Variants in CCNA1 observed in about 807,000 individuals in gnomAD.
CCNA1 encodes cyclin A1, also known as cyclin-A1.
A neutral mutation model predicts 54.1 loss-of-function variants in CCNA1; 23 were observed. The ratio of observed to expected loss-of-function variants is 0.42; its 90% confidence interval spans 0.31 to 0.60. The LOEUF is 0.60. CCNA1 is among the 20% of genes least tolerant of loss of function. The pLI, the probability that CCNA1 is intolerant of heterozygous loss-of-function variation, is 0.14. For synonymous variants in CCNA1, 208 were observed against 213.9 expected, an observed-to-expected ratio of 0.97 and a Z score of 0.24; for missense variants, 450 against 556.7, an observed-to-expected ratio of 0.81 and a Z score of 1.93.
At chr13:36,432,364 T>G, upstream of CCNA1, 3 of 252,456 alleles carry the variant, frequency 1.2e-5, no homozygotes, top group Non-Finnish European at 2.3e-5. Flanking sequence ...CGCCCCGCCC[T>G]TCCGTGCCCT....
At chr13:36,441,061 T>C in intron 6 of CCNA1, 57 bp from the exon 7 acceptor site, 3 of 864,406 alleles carry the variant, frequency 3.5e-6, no homozygotes, top group Non-Finnish European at 5.6e-6. Context: ...TTTCCAGGCT[T>C]ACTTGTGACC....
At chr13:36,437,992 C>T in intron 3 of CCNA1, 75 bp from the exon 4 acceptor site, 1 of 1,576,512 alleles carries the variant, frequency 6.3e-7, no homozygotes, top group East Asian at 2.2e-5. Flanking sequence ...GTATTCACAA[C>T]TGCCTGTAGA....
intron 2 of CCNA1, 102 bp downstream of exon 2, chr13:36,433,323 A>G: frequency 2.8e-6 from 2 of 710,794 alleles, no homozygotes; most frequent in Non-Finnish European, 4.5e-6. Context: ...ACTCCCCCTG[A>G]GTATTACAAC....
chr13:36,440,271 CT>C lies in CCNA1; in HGVS notation c.1098+92del, dbSNP rs1280635985. 8.3e-6 allele frequency: 10 copies of C among 1,204,686 alleles called. No homozygotes were observed. The African/African-American group carries it at 1.4e-4, about 16-fold the overall frequency. The allele number at this position is 1,204,686 out of a possible 1,614,324, so 74.6% of individuals were successfully genotyped here. A position where few individuals can be genotyped will look rare whatever the true frequency, so the allele number is the denominator to read the frequency against. ...CCAATCATCCTTCAGTTCTTTTTTC[CT>C]TTTCAGTTTTCTTCCCACAGGCCCA... On this transcript the variant is annotated intron_variant, in intron 6 of 8. Coordinates refer to ENST00000255465, the MANE Select transcript of CCNA1 (RefSeq NM_003914.4).
At chr13:36,433,415 T>TTTCG (rs1491484506) in intron 2 of CCNA1, among the ~76,000 whole-genome samples, 194 bp downstream of exon 2, 6 of 121,702 alleles carry the variant, frequency 4.9e-5, no homozygotes, top group African/African-American at 1.9e-4. Flanking sequence ...TCTTTCTTTC[T>TTTCG]TTCTTTCTTT....
chr13:36,440,500 A>G (rs1389641843), intron 6 of CCNA1, among the ~76,000 whole-genome samples: 1 of 152,244 alleles, frequency 6.6e-6, no homozygotes, highest in African/African-American at 2.4e-5. Flanking sequence ...GGAACAAAGT[A>G]AATCTAGTTT....
rs140980274 is a variant in CCNA1, at chr13:36,432,708, G to T, written c.87G>T (p.Gly29=). ...AGTATCTCAGCTGGGAAGGACCGGG[G>T]CTCCCAGATTTCGTCTTCCAGGTAA... The change falls in exon 1 of 9, where the codon GGG becomes GGT. Residue 29 remains glycine (G), a synonymous_variant. Coordinates refer to ENST00000255465, the MANE Select transcript of CCNA1 (RefSeq NM_003914.4). 5 of 1,611,062 alleles carry T rather than the reference G, an allele frequency of 3.1e-6. No individual in the cohort carries two copies. The highest frequency in any genetic ancestry group is 4.2e-6 in the Non-Finnish European group (5 of 1,177,892).
At chr13:36,442,502 C>T in intron 8 of CCNA1, 112 bp from the exon 9 acceptor site, 1 of 1,163,602 alleles carries the variant, frequency 8.6e-7, no homozygotes, top group Admixed American at 2.2e-5. Context: ...TGTAGTCAGC[C>T]AGCTTCCTTC....
chr13:36,434,951 A>T (rs188157747), intron 2 of CCNA1, among the ~76,000 whole-genome samples: 2 of 151,874 alleles, frequency 1.3e-5, no homozygotes, highest in Admixed American at 1.3e-4. Flanking sequence ...CTGTAAGCAT[A>T]CAAATATATT....
At chr13:36,442,040 G>C (rs980060342) in intron 7 of CCNA1, 131 bp from the exon 8 acceptor site, 10 of 579,742 alleles carry the variant, frequency 1.7e-5, no homozygotes, top group Admixed American at 1.7e-4. Context: ...ATCTCTGAAG[G>C]GGGTTCTGGT....
chr13:36,437,853 C>T lies in CCNA1; in HGVS notation c.522C>T (p.His174=). ...CCGGCACACTCAAGTCAGACCTGCACTTCCTGCTGGATTTCAACACAGGTA... is the reference window on the plus strand; with the variant it reads ...CCGGCACACTCAAGTCAGACCTGCATTTCCTGCTGGATTTCAACACAGGTA... The change falls in exon 3 of 9, where the codon CAC becomes CAT. Residue 174 remains histidine, a synonymous_variant. Coordinates refer to ENST00000255465, the MANE Select transcript of CCNA1 (RefSeq NM_003914.4). 6.2e-7 allele frequency: 1 copy of T among 1,613,864 alleles called. No homozygotes were observed. The highest frequency in any genetic ancestry group is 8.5e-7 in the Non-Finnish European group (1 of 1,179,808).
At chr13:36,437,157 T>A (rs2055814777) in intron 2 of CCNA1, among the ~76,000 whole-genome samples, 1 of 152,188 alleles carries the variant, frequency 6.6e-6, no homozygotes, top group Non-Finnish European at 1.5e-5. Flanking sequence ...TAAGTGGATA[T>A]AAAATGGAAA....
chr13:36,438,858 T>C lies in CCNA1; in HGVS notation c.884T>C (p.Leu295Pro). The change falls in exon 5 of 9, where the codon CTT becomes CCT. Residue 295 changes from leucine to proline, a missense_variant. Leu to Pro is a moderately conservative substitution (Grantham distance 98). Coordinates refer to ENST00000255465, the MANE Select transcript of CCNA1 (RefSeq NM_003914.4). ...CAGCTCGTAGGAACAGCAGCTATGC[T>C]TTTGGCTTCGTAAGTGTTCTTTCAG... 1 of 1,613,386 alleles carries C rather than the reference T, an allele frequency of 6.2e-7. No homozygotes were observed. Among genetic ancestry groups the C allele is most frequent in the Non-Finnish European group, 8.5e-7 (1 of 1,179,318 alleles).
chr13:36,442,431 G>A (rs2055886799), intron 8 of CCNA1, 127 bp downstream of exon 8: 2 of 1,173,204 alleles, frequency 1.7e-6, no homozygotes, highest in East Asian at 2.5e-5. Context: ...AAGGGTACGT[G>A]TACAAATTTA....
At chr13:36,435,846 C>T (rs2055797379) in intron 2 of CCNA1, among the ~76,000 whole-genome samples, 1 of 152,176 alleles carries the variant, frequency 6.6e-6, no homozygotes, top group South Asian at 2.1e-4. Context: ...CCATCCTTTT[C>T]CCTACTCCCA....
In CCNA1 at chr13:36,440,060, A is replaced by C; in HGVS notation, c.975A>C (p.Leu325Phe). Residue 325 changes from leucine to phenylalanine, a missense_variant, in exon 6 of 9, where the codon TTA becomes TTC. This residue lies in a region of CCNA1 where 150 missense variants were observed against 219.7 expected (regional missense o/e 0.68). Transcript: ENST00000255465. Reference sequence around the variant, plus strand: ...ATACATACACAAAACGACAACTGTTAAAAATGGAACACTTGCTTCTGAAAG... The same window carrying C: ...ATACATACACAAAACGACAACTGTTCAAAATGGAACACTTGCTTCTGAAAG... 1 of 1,613,714 alleles carries C rather than the reference A, an allele frequency of 6.2e-7. No individual in the cohort carries two copies.
intron 2 of CCNA1, 36 bp downstream of exon 2, chr13:36,433,257 G>C: frequency 6.4e-7 from 1 of 1,550,728 alleles, no homozygotes; most frequent in Non-Finnish European, 8.8e-7. Context: ...GATGCTTGTG[G>C]AGAACAGCTC....
chr13:36,438,233 C>T (rs747420286), intron 4 of CCNA1, 42 bp downstream of exon 4: 2 of 1,563,184 alleles, frequency 1.3e-6, no homozygotes, highest in Non-Finnish European at 1.7e-6. Flanking sequence ...AGGACCCGAG[C>T]TCTTATTACT....
rs1212590439 is a variant in CCNA1, at chr13:36,436,593, G to A, written c.298-1036G>A. Among the ~76,000 whole-genome samples, 6 of 152,246 alleles carry A rather than the reference G, an allele frequency of 3.9e-5. No homozygotes were observed. The East Asian group carries it at 1.2e-3, about 29-fold the overall frequency. ...CAAGAGTCAAACCTGGCAGTAACTT[G>A]GAGCTGTGGTTGTAGCAAGAGTCAA... On this transcript the variant is annotated intron_variant, in intron 2 of 8. Transcript: ENST00000255465.
Sources: allele counts gnomAD v4.1 joint callset (sites outside exome capture counted in the v4.1 genomes callset), GRCh38; gene constraint gnomAD v4.1.1; regional missense constraint gnomAD v4.1.1; transcripts MANE v1.5; gene names NCBI Gene and HGNC (gene_info 2026-07-23, HGNC 2026-07-21).